The following LINGO2 variants were observed in gnomAD, a reference collection of about 807,000 sequenced individuals.
The protein encoded by LINGO2 is leucine-rich repeat and immunoglobulin-like domain-containing nogo receptor-interacting protein 2.
In LINGO2, 14 loss-of-function variants were observed where a neutral mutation model predicts 30.6. The ratio of observed to expected loss-of-function variants is 0.46; its 90% confidence interval spans 0.30 to 0.72. The LOEUF is 0.72. LINGO2 is among the 30% of genes least tolerant of loss of function. The probability of loss-of-function intolerance (pLI) is 0.07; values close to 1 mark genes in which losing one functional copy is unlikely to be tolerated. For synonymous variants in LINGO2, 317 were observed against 288.5 expected, an observed-to-expected ratio of 1.10 and a Z score of -1.00; for missense variants, 729 against 751.7, an observed-to-expected ratio of 0.97 and a Z score of 0.35.
intron 4 of LINGO2, among the ~76,000 whole-genome samples, chr9:28,194,020 T>C (rs961217294): frequency 6.6e-6 from 1 of 152,196 alleles, no homozygotes; most frequent in South Asian, 2.1e-4. Flanking sequence ...GGAAGTCACA[T>C]AGCATTTCTT....
At chr9:28,879,609 C>T in the LINGO2 span, among the ~76,000 whole-genome samples, 1 of 152,132 alleles carries the variant, frequency 6.6e-6, no homozygotes, top group Admixed American at 6.6e-5. Flanking sequence ...GGCATTTCTG[C>T]CTCATTAGTT....
At chr9:28,028,159 C>T (rs77703455) in intron 4 of LINGO2, among the ~76,000 whole-genome samples, 9,788 of 152,114 alleles carry the variant, frequency 0.064, 404 homozygotes, top group Non-Finnish European at 0.093. Flanking sequence ...CTCTCTTGAC[C>T]GGTGTTTTAA....
At chr9:29,083,785 AAGC>A in the LINGO2 span, among the ~76,000 whole-genome samples, 2 of 152,256 alleles carry the variant, frequency 1.3e-5, no homozygotes, top group Admixed American at 1.3e-4. Flanking sequence ...TTTTGACATT[AAGC>A]ATCTAGGTAC....
intron 2 of LINGO2, among the ~76,000 whole-genome samples, chr9:28,433,945 C>CTATATATATATATATATATATA (rs1305896597): frequency 1.2e-4 from 7 of 57,310 alleles, no homozygotes; most frequent in African/African-American, 3.1e-4. Context: ...CTCTCTCTCT[C>CTATATATATATATATATATATA]TCTCTATATA....
chr9:28,585,988 G>C (rs1479755264), intron 1 of LINGO2, among the ~76,000 whole-genome samples: 2 of 151,644 alleles, frequency 1.3e-5, no homozygotes, highest in Non-Finnish European at 1.5e-5. Context: ...CTCCTGGTCA[G>C]CCCTGGCTTC....
chr9:29,105,672 T>C, the LINGO2 span, among the ~76,000 whole-genome samples: 4 of 152,182 alleles, frequency 2.6e-5, no homozygotes, highest in South Asian at 8.3e-4. Context: ...ATCTCTTTTG[T>C]GGTAGGCCTG....
intron 2 of LINGO2, among the ~76,000 whole-genome samples, chr9:28,425,332 T>C (rs1021666462): frequency 9.4e-5 from 14 of 148,392 alleles, no homozygotes; most frequent in Non-Finnish European, 4.5e-5. Context: ...TGTGTGTGTA[T>C]ATATATATAT....
In LINGO2 at chr9:28,154,312, C is replaced by T. The variant is rs572732895; in HGVS notation, c.-87+140896G>A. On this transcript the variant is annotated intron_variant, in intron 4 of 5. Coordinates refer to ENST00000379992, the Ensembl canonical transcript of LINGO2. ...GAGACATTGGGTCATAATATTAAGA[C>T]GTTTTCCTACTCAAAATAAAGTTCA... Among the ~76,000 whole-genome samples, 10 of 152,254 alleles carry T rather than the reference C, an allele frequency of 6.6e-5. No homozygotes were observed. In the Middle Eastern group the frequency reaches 0.014, roughly 207 times the overall value.
At chr9:28,466,597 C>A (rs1008427645) in intron 2 of LINGO2, among the ~76,000 whole-genome samples, 1 of 151,974 alleles carries the variant, frequency 6.6e-6, no homozygotes, top group Admixed American at 6.6e-5. Context: ...TGAAAGAGTA[C>A]AACTGGACTG....
chr9:29,084,905 A>T, the LINGO2 span, among the ~76,000 whole-genome samples: 1 of 152,044 alleles, frequency 6.6e-6, no homozygotes, highest in Non-Finnish European at 1.5e-5. Flanking sequence ...ATATTCAGTT[A>T]AATGAATAAA....
intron 4 of LINGO2, among the ~76,000 whole-genome samples, chr9:28,154,388 A>T (rs1828079645): frequency 6.6e-6 from 1 of 152,188 alleles, no homozygotes; most frequent in Admixed American, 6.5e-5. Flanking sequence ...TAAATCAAAG[A>T]TGAACACATG....
At position 28,007,608 on chromosome 9, in the gene LINGO2, CAAAT is replaced by C. The variant is rs370891314; in HGVS notation, c.-36+4743_-36+4746del. ...CTCTGTTAGTCACCAGATGCCCTGA[CAAAT>C]AAAACAAAACATTGGAGAAAATATA... On this transcript the variant is annotated intron_variant, in intron 5 of 5. Coordinates refer to ENST00000379992, the Ensembl canonical transcript of LINGO2. Among the ~76,000 whole-genome samples, 130 of 152,220 alleles carry C rather than the reference CAAAT, an allele frequency of 8.5e-4. 1 individual carries two copies. Among genetic ancestry groups the C allele is most frequent in the African/African-American group, 3.0e-3 (125 of 41,540 alleles).
chr9:28,312,463 A>C (rs1411905497), intron 3 of LINGO2, among the ~76,000 whole-genome samples: 1 of 152,150 alleles, frequency 6.6e-6, no homozygotes, highest in Non-Finnish European at 1.5e-5. Context: ...TAACAAAATA[A>C]AGTGATTATG....
At chr9:27,944,957 A>T (rs1823307121), downstream of LINGO2, among the ~76,000 whole-genome samples, 1 of 152,178 alleles carries the variant, frequency 6.6e-6, no homozygotes, top group African/African-American at 2.4e-5. Flanking sequence ...TTGGCAAGAA[A>T]GAAAACAGGA....
chr9:28,156,925 C>G (rs1466358521), intron 4 of LINGO2, among the ~76,000 whole-genome samples: 1 of 152,222 alleles, frequency 6.6e-6, no homozygotes, highest in African/African-American at 2.4e-5. Flanking sequence ...AGCTCCACCC[C>G]TGTGGCTTTG....
At chr9:28,402,962 A>G (rs10125103) in intron 2 of LINGO2, among the ~76,000 whole-genome samples, 138,428 of 152,246 alleles carry the variant, frequency 0.91, 62,976 homozygotes, top group South Asian at 0.96. Flanking sequence ...GTAGTATGAA[A>G]AGCAAGTTAC....
chr9:28,548,500 T>C (rs1484679977), intron 1 of LINGO2, among the ~76,000 whole-genome samples: 2 of 151,784 alleles, frequency 1.3e-5, no homozygotes, highest in South Asian at 2.1e-4. Flanking sequence ...GGGCAAGAGA[T>C]TGAGGCCATC....
chr9:28,736,415 C>T, the LINGO2 span, among the ~76,000 whole-genome samples: 2 of 152,160 alleles, frequency 1.3e-5, no homozygotes, highest in African/African-American at 4.8e-5. Context: ...GCCACGCAGT[C>T]TAAACACCTT....
intron 1 of LINGO2, among the ~76,000 whole-genome samples, chr9:28,603,778 A>T (rs1235134447): frequency 6.6e-6 from 1 of 151,962 alleles, no homozygotes; most frequent in Non-Finnish European, 1.5e-5. Flanking sequence ...GTGTTATTTG[A>T]ATTTATTCTT....
Sources: allele counts gnomAD v4.1 joint callset (sites outside exome capture counted in the v4.1 genomes callset), GRCh38; gene constraint gnomAD v4.1.1; transcripts MANE v1.5; gene names NCBI Gene and HGNC (gene_info 2026-07-23, HGNC 2026-07-21).